PTPRG: variants seen among roughly 807,000 people sequenced by gnomAD.
The protein encoded by PTPRG is receptor-type tyrosine-protein phosphatase gamma.
In PTPRG, 102 loss-of-function variants were observed where a neutral mutation model predicts 165.3. The ratio of observed to expected loss-of-function variants is 0.62; its 90% CI spans 0.53 to 0.73. PTPRG has a LOEUF of 0.73. Ranked by LOEUF, PTPRG falls within the 30% of genes least tolerant of loss-of-function variation. PTPRG has a pLI of 0.00. For synonymous variants in PTPRG, 675 were observed against 669.5 expected, an observed-to-expected ratio of 1.01 and a Z score of -0.13; for missense variants, 1,866 against 1,861.4, an observed-to-expected ratio of 1.00 and a Z score of -0.05.
At chr3:62,005,525 C>G (rs1392220681) in intron 4 of PTPRG, among the ~76,000 whole-genome samples, 2 of 151,920 alleles carry the variant, frequency 1.3e-5, no homozygotes. Context: ...AAGACCTGTC[C>G]TGAAAGTTTA....
chr3:61,802,268 C>G (rs2035273934), intron 2 of PTPRG, among the ~76,000 whole-genome samples: 1 of 151,974 alleles, frequency 6.6e-6, no homozygotes, highest in Non-Finnish European at 1.5e-5. Context: ...TAAAAATCAC[C>G]AGTTCATGAT....
At chr3:62,262,726 T>G in intron 16 of PTPRG, 72 bp from the exon 17 acceptor site, 1 of 1,124,868 alleles carries the variant, frequency 8.9e-7, no homozygotes, top group Non-Finnish European at 1.3e-6. Context: ...GTAAATACTT[T>G]ATGCCTTTAA....
chr3:62,156,964 G>T (rs1470166476), intron 6 of PTPRG, 103 bp from the exon 7 acceptor site: 4 of 1,037,334 alleles, frequency 3.9e-6, no homozygotes, highest in East Asian at 2.4e-5. Flanking sequence ...CAAACATAAG[G>T]CTTGCGATGT....
chr3:62,234,678 C>G lies in PTPRG; in HGVS notation c.2375+3367C>G, dbSNP rs928979614. Among the ~76,000 whole-genome samples the G allele has an allele frequency of 5.3e-5, 8 of 151,980 alleles. No individual in the cohort carries two copies. The South Asian group carries it at 1.0e-3, about 20-fold the overall frequency. On this transcript the variant is annotated intron_variant, in intron 14 of 29. Coordinates refer to ENST00000474889, the MANE Select transcript of PTPRG (RefSeq NM_002841.4). ...TTTTTCTAATGAAGAGAGATAATCC[C>G]TTGGTAGCAATGTGAGTTGCAAATA...
intron 2 of PTPRG, among the ~76,000 whole-genome samples, chr3:61,916,444 T>C (rs922423133): frequency 6.6e-5 from 10 of 152,178 alleles, no homozygotes; most frequent in Non-Finnish European, 1.0e-4. Context: ...CCACCTTGTA[T>C]GTTTTAAAAT....
At chr3:61,838,687 A>C (rs1382417598) in intron 2 of PTPRG, among the ~76,000 whole-genome samples, 2 of 152,206 alleles carry the variant, frequency 1.3e-5, no homozygotes, top group African/African-American at 4.8e-5. Context: ...TATTTCAATA[A>C]CACTGTAATG....
At chr3:61,568,633 G>A (rs1699982455) in intron 1 of PTPRG, among the ~76,000 whole-genome samples, 2 of 151,840 alleles carry the variant, frequency 1.3e-5, no homozygotes, top group South Asian at 2.1e-4. Flanking sequence ...TTTTTGGCCT[G>A]GCATGGTGGC....
chr3:62,187,376 C>T (rs1460388395), intron 8 of PTPRG, among the ~76,000 whole-genome samples: 1 of 152,162 alleles, frequency 6.6e-6, no homozygotes, highest in Non-Finnish European at 1.5e-5. Flanking sequence ...ATCCACGGGC[C>T]GAAACTTACT....
intron 1 of PTPRG, among the ~76,000 whole-genome samples, chr3:61,636,635 A>G (rs971272809): frequency 3.9e-5 from 6 of 152,206 alleles, no homozygotes; most frequent in Non-Finnish European, 7.3e-5. Flanking sequence ...TTGTATCAAT[A>G]CTTCATTTAT....
chr3:61,801,611 C>T (rs765661623), intron 2 of PTPRG, among the ~76,000 whole-genome samples: 2 of 152,072 alleles, frequency 1.3e-5, no homozygotes, highest in African/African-American at 4.8e-5. Flanking sequence ...AAAAGAATAA[C>T]GTCTGTGTTG....
chr3:61,693,200 A>G (rs2030333349), intron 1 of PTPRG, among the ~76,000 whole-genome samples: 1 of 152,176 alleles, frequency 6.6e-6, no homozygotes, highest in East Asian at 1.9e-4. Flanking sequence ...GAGATGTATA[A>G]ATGATTAATA....
At chr3:61,691,882 T>A (rs200719875) in intron 1 of PTPRG, among the ~76,000 whole-genome samples, 1 of 152,148 alleles carries the variant, frequency 6.6e-6, no homozygotes, top group Non-Finnish European at 1.5e-5. Context: ...GACTTACATT[T>A]AACCTTGGAT....
chr3:62,269,045 A>T lies in PTPRG; in HGVS notation c.2885A>T (p.Asp962Val). The stretch of plus-strand genomic sequence containing the variant: ...TTTTTCTTTCTGCAGCGAAAATGTG[A>T]TCAGTATTGGCCAACAGAGAACAGT... ...NLVEKGRRKC[D>V]QYWPTENSEE... Residue 962 changes from aspartate (D) to valine (V), a missense_variant, in exon 20 of 30, where the codon GAT becomes GTT. Transcript: ENST00000474889. The T allele has an allele frequency of 6.4e-7, 1 of 1,561,472 alleles. No individual in the cohort carries two copies. The highest frequency in any genetic ancestry group is 1.7e-5 in the Admixed American group (1 of 57,182).
intron 1 of PTPRG, among the ~76,000 whole-genome samples, chr3:61,721,104 A>C (rs1183804088): frequency 6.6e-6 from 1 of 152,202 alleles, no homozygotes; most frequent in East Asian, 1.9e-4. Flanking sequence ...ATAAATTTGC[A>C]CCAAATTTTA....
At chr3:61,980,612 A>G (rs1204121809) in intron 2 of PTPRG, among the ~76,000 whole-genome samples, 1 of 152,196 alleles carries the variant, frequency 6.6e-6, no homozygotes, top group African/African-American at 2.4e-5. Flanking sequence ...AATAATTTAA[A>G]TGTTGGTCTT....
chr3:62,211,299 T>A (rs1444368692), intron 12 of PTPRG, among the ~76,000 whole-genome samples: 1 of 152,178 alleles, frequency 6.6e-6, no homozygotes, highest in Non-Finnish European at 1.5e-5. Flanking sequence ...TCTAGCATAG[T>A]CAAACTCAAA....
At chr3:62,109,276 T>C (rs1197616268) in intron 5 of PTPRG, among the ~76,000 whole-genome samples, 1 of 152,200 alleles carries the variant, frequency 6.6e-6, no homozygotes, top group Non-Finnish European at 1.5e-5. Flanking sequence ...TAGCCAGTTT[T>C]CCCAACACCA....
At chr3:61,960,562 G>A (rs1205612793) in intron 2 of PTPRG, among the ~76,000 whole-genome samples, 1 of 152,024 alleles carries the variant, frequency 6.6e-6, no homozygotes, top group African/African-American at 2.4e-5. Context: ...ATCTGTCTTG[G>A]GAACAAGAAA....
intron 1 of PTPRG, among the ~76,000 whole-genome samples, chr3:61,728,675 T>G (rs1036226641): frequency 2.2e-5 from 3 of 135,890 alleles, no homozygotes; most frequent in Non-Finnish European, 4.8e-5. Flanking sequence ...CTAAGAGCTA[T>G]GTATTTTTTT....
Sources: allele counts gnomAD v4.1 joint callset (sites outside exome capture counted in the v4.1 genomes callset), GRCh38; gene constraint gnomAD v4.1.1; transcripts MANE v1.5; gene names NCBI Gene and HGNC (gene_info 2026-07-23, HGNC 2026-07-21).